Variants in ITPR2 observed in about 807,000 individuals in gnomAD.
ITPR2 encodes inositol 1,4,5-trisphosphate-gated calcium channel ITPR2.
ITPR2 carries 207 observed loss-of-function variants against 317.1 expected under a neutral mutation model. The observed-to-expected ratio is 0.65, with a 90% CI of 0.58 to 0.73. The LOEUF (loss-of-function observed/expected upper bound fraction) is 0.73. Among genes scored for constraint, ITPR2 ranks in the 30% least tolerant of loss-of-function variants. The pLI is 0.00. For synonymous variants in ITPR2, 1,156 were observed against 1,149.1 expected, an observed-to-expected ratio of 1.01 and a Z score of -0.12; for missense variants, 2,613 against 3,284.0, an observed-to-expected ratio of 0.80 and a Z score of 4.99.
intron 48 of ITPR2, among the ~76,000 whole-genome samples, chr12:26,430,961 T>C (rs1413546191): frequency 6.6e-6 from 1 of 152,198 alleles, no homozygotes; most frequent in Non-Finnish European, 1.5e-5. Flanking sequence ...AGACATCCAC[T>C]CAGAAATCCC....
chr12:26,559,255 T>A (rs1483543202), intron 35 of ITPR2, among the ~76,000 whole-genome samples: 1 of 152,222 alleles, frequency 6.6e-6, no homozygotes, highest in African/African-American at 2.4e-5. Context: ...TGAGTTGTCA[T>A]CACACATAGA....
chr12:26,361,210 C>A (rs1365527145), intron 55 of ITPR2, among the ~76,000 whole-genome samples: 16 of 143,852 alleles, frequency 1.1e-4, no homozygotes, highest in African/African-American at 1.0e-4. Context: ...AGCAAAACTC[C>A]AAAAAAAAAA....
At chr12:26,723,197 A>G (rs539349788) in intron 4 of ITPR2, among the ~76,000 whole-genome samples, 3 of 152,248 alleles carry the variant, frequency 2.0e-5, no homozygotes, top group Non-Finnish European at 4.4e-5. Context: ...TAACCTTTCC[A>G]TCTATTATTA....
chr12:26,396,277 C>T (rs1565503548), intron 54 of ITPR2, among the ~76,000 whole-genome samples: 1 of 152,026 alleles, frequency 6.6e-6, no homozygotes, highest in Non-Finnish European at 1.5e-5. Flanking sequence ...GATGGAGTGT[C>T]CTCTCAGCCT....
At chr12:26,445,812 C>T (rs1941598819) in intron 45 of ITPR2, among the ~76,000 whole-genome samples, 1 of 151,930 alleles carries the variant, frequency 6.6e-6, no homozygotes, top group African/African-American at 2.4e-5. Context: ...GTAAGGGAGA[C>T]CCAAGAAATA....
At chr12:26,535,905 A>T (rs1565587561) in intron 37 of ITPR2, among the ~76,000 whole-genome samples, 1 of 152,250 alleles carries the variant, frequency 6.6e-6, no homozygotes, top group Non-Finnish European at 1.5e-5. Flanking sequence ...TCAAAGATTA[A>T]TATTTATGAA....
chr12:26,493,950 G>A, intron 39 of ITPR2: 1 of 445,776 alleles, frequency 2.2e-6, no homozygotes, highest in Non-Finnish European at 3.9e-6. Flanking sequence ...AGTTTCAGAG[G>A]AATGTTCTGC....
At chr12:26,777,107 G>T (rs775736364) in intron 2 of ITPR2, among the ~76,000 whole-genome samples, 6 of 152,146 alleles carry the variant, frequency 3.9e-5, no homozygotes, top group Non-Finnish European at 8.8e-5. Flanking sequence ...GCAGCTCAGA[G>T]AGTTAAAAAA....
At chr12:26,659,727 T>TA (rs1565672644) in intron 15 of ITPR2, among the ~76,000 whole-genome samples, 1 of 152,278 alleles carries the variant, frequency 6.6e-6, no homozygotes, top group East Asian at 1.9e-4. Flanking sequence ...ATCTCTTACT[T>TA]AAAGTCATAG....
chr12:26,768,144 T>C (rs2137140677), intron 2 of ITPR2, among the ~76,000 whole-genome samples: 1 of 152,264 alleles, frequency 6.6e-6, no homozygotes, highest in South Asian at 2.1e-4. Context: ...GACAGGTTGA[T>C]GTGTGCAGCA....
chr12:26,347,103 C>A (rs139593460), intron 55 of ITPR2, among the ~76,000 whole-genome samples: 3 of 152,254 alleles, frequency 2.0e-5, no homozygotes, highest in African/African-American at 7.2e-5. Context: ...TGTCCCTGCA[C>A]CTGACTTCCA....
chr12:26,541,865 G>A (rs1223248141), intron 37 of ITPR2, among the ~76,000 whole-genome samples: 10 of 151,258 alleles, frequency 6.6e-5, no homozygotes, highest in Admixed American at 2.6e-4. Context: ...GTTAACTCAG[G>A]AGTCAGTATA....
chr12:26,561,824 G>T lies in ITPR2; in HGVS notation c.4759C>A (p.Arg1587Ser). Residue 1587 changes from arginine to serine, a missense_variant, in exon 35 of 57, where the codon CGC (arginine) becomes AGC (serine). Arg to Ser is a moderately radical substitution (Grantham distance 110). Coordinates refer to ENST00000381340, the MANE Select transcript of ITPR2 (RefSeq NM_002223.4). ...GGCCCTCCAAGAGCTTCCTTAAAGC[G>T]TGGCCCAGAGCGAGCTGATAGTCTC... is the stretch of plus-strand genomic sequence containing the variant. ...GWRLSARSGP[R>S]FKEALGGPAW... is the part of the protein sequence containing the mutation. 6.3e-7 allele frequency: 1 copy of T among 1,594,178 alleles called. No individual in the cohort carries two copies. The highest frequency in any genetic ancestry group is 8.5e-7 in the Non-Finnish European group (1 of 1,174,884).
At chr12:26,606,950 C>G (rs1946144218) in intron 26 of ITPR2, among the ~76,000 whole-genome samples, 1 of 152,062 alleles carries the variant, frequency 6.6e-6, no homozygotes, top group Admixed American at 6.6e-5. Flanking sequence ...TAAATAAATA[C>G]TGGCACTGAT....
At chr12:26,569,630 A>T (rs1945104538) in intron 34 of ITPR2, among the ~76,000 whole-genome samples, 1 of 152,116 alleles carries the variant, frequency 6.6e-6, no homozygotes, top group African/African-American at 2.4e-5. Flanking sequence ...TTTCTTAAAA[A>T]TGGTTACACA....
At chr12:26,459,614 C>T (rs1941966269) in intron 45 of ITPR2, among the ~76,000 whole-genome samples, 1 of 152,206 alleles carries the variant, frequency 6.6e-6, no homozygotes, top group Non-Finnish European at 1.5e-5. Context: ...TCCTCTCTTG[C>T]TTTTATATCA....
chr12:26,824,197 A>C (rs898117376), intron 1 of ITPR2, among the ~76,000 whole-genome samples: 2 of 152,228 alleles, frequency 1.3e-5, no homozygotes, highest in African/African-American at 4.8e-5. Flanking sequence ...AAAGTGTTGA[A>C]TATCTCATGT....
At chr12:26,774,849 G>A (rs1205870487) in intron 2 of ITPR2, among the ~76,000 whole-genome samples, 1 of 152,182 alleles carries the variant, frequency 6.6e-6, no homozygotes, top group African/African-American at 2.4e-5. Flanking sequence ...GAAGTGTATT[G>A]TGGAACGAAA....
intron 55 of ITPR2, among the ~76,000 whole-genome samples, chr12:26,354,829 C>T (rs114735035): frequency 0.015 from 2,282 of 152,132 alleles, 59 homozygotes; most frequent in African/African-American, 0.051. Flanking sequence ...CCATCTAACA[C>T]GCCCAGCTAA....
Sources: gnomAD v4.1 joint callset for allele counts (sites outside exome capture counted in the v4.1 genomes callset) on GRCh38, gnomAD v4.1.1 for gene constraint, MANE v1.5 for transcripts, NCBI Gene and HGNC (gene_info 2026-07-23, HGNC 2026-07-21) for gene names.